The following MAP4K3 variants were observed in gnomAD, a reference collection of about 807,000 sequenced individuals.
MAP4K3 encodes the protein MAPK/ERK kinase kinase kinase 3.
A neutral mutation model predicts 143.5 loss-of-function variants in MAP4K3; 94 were observed. The ratio of observed to expected loss-of-function variants is 0.65; its 90% CI spans 0.55 to 0.78. The LOEUF (loss-of-function observed/expected upper bound fraction) is 0.78. MAP4K3 is among the 30% of genes least tolerant of loss of function. MAP4K3 has a pLI of 0.00. For missense variants in MAP4K3, 1,077 were observed against 1,068.1 expected, an observed-to-expected ratio of 1.01 and a Z score of -0.12; for synonymous variants, 416 against 347.2, an observed-to-expected ratio of 1.20 and a Z score of -2.20.
In MAP4K3 at chr2:39,309,535, A is replaced by G; in HGVS notation, c.998-16T>C. Reference sequence around the variant, plus strand: ...ACTTGGCCAACTAAAAAAGAAAAAAAAGTAAAACCAGGATTTTTTTTTTTT... The same window carrying G: ...ACTTGGCCAACTAAAAAAGAAAAAAGAGTAAAACCAGGATTTTTTTTTTTT... On this transcript the variant is annotated splice_polypyrimidine_tract_variant and intron_variant, in intron 13 of 33. Coordinates refer to ENST00000263881, the MANE Select transcript of MAP4K3 (RefSeq NM_003618.4). 1.4e-6 allele frequency: 2 copies of G among 1,450,940 alleles called. No homozygotes were observed. Among genetic ancestry groups the G allele is most frequent in the Non-Finnish European group, 1.9e-6 (2 of 1,052,770 alleles). 89.9% of individuals were successfully genotyped at this position (1,450,940 alleles called of 1,614,324 possible).
intron 1 of MAP4K3, among the ~76,000 whole-genome samples, chr2:39,433,342 T>C (rs1326447139): frequency 6.6e-6 from 1 of 152,202 alleles, no homozygotes; most frequent in African/African-American, 2.4e-5. Flanking sequence ...TCAAAACTTC[T>C]TTTGCCTTAT....
At chr2:39,391,025 T>TG (rs1268636998) in intron 1 of MAP4K3, among the ~76,000 whole-genome samples, 1 of 151,720 alleles carries the variant, frequency 6.6e-6, no homozygotes, top group African/African-American at 2.4e-5. Flanking sequence ...AAATATATTC[T>TG]GGAAAAAAAA....
intron 20 of MAP4K3, 76 bp from the exon 21 acceptor site, chr2:39,287,040 GA>G: frequency 1.2e-6 from 1 of 805,912 alleles, no homozygotes; most frequent in Non-Finnish European, 2.0e-6. Flanking sequence ...AAGTAGGAAA[GA>G]AAAAATATTA....
chr2:39,256,073 T>G (rs1475246699), intron 31 of MAP4K3, among the ~76,000 whole-genome samples: 5 of 152,246 alleles, frequency 3.3e-5, no homozygotes, highest in Non-Finnish European at 7.3e-5. Context: ...TTATGTATGT[T>G]ACTTTATTGC....
chr2:39,282,790 T>C (rs1681594135), intron 21 of MAP4K3, among the ~76,000 whole-genome samples: 2 of 152,240 alleles, frequency 1.3e-5, no homozygotes, highest in African/African-American at 4.8e-5. Context: ...GTGAATTAGA[T>C]ATACTTATGT....
chr2:39,434,018 G>A (rs550467471), intron 1 of MAP4K3, among the ~76,000 whole-genome samples: 1 of 152,258 alleles, frequency 6.6e-6, no homozygotes, highest in East Asian at 1.9e-4. Context: ...TCCTTGTTCA[G>A]TGCTTTGGAA....
chr2:39,348,662 T>C (rs983745056), intron 3 of MAP4K3, among the ~76,000 whole-genome samples: 2 of 152,162 alleles, frequency 1.3e-5, no homozygotes, highest in Non-Finnish European at 2.9e-5. Context: ...GAAGTAAATA[T>C]TCAATGTATC....
intron 12 of MAP4K3, among the ~76,000 whole-genome samples, chr2:39,318,144 A>G (rs574539320): frequency 6.6e-6 from 1 of 152,260 alleles, no homozygotes; most frequent in African/African-American, 2.4e-5. Context: ...CTAACTCAGG[A>G]GCAGAAAACC....
chr2:39,270,374 T>A (rs1680963198), intron 26 of MAP4K3, among the ~76,000 whole-genome samples: 1 of 152,204 alleles, frequency 6.6e-6, no homozygotes, highest in South Asian at 2.1e-4. Flanking sequence ...AGCACCCAAT[T>A]AACTGGAATT....
Position 39,260,675 on chromosome 2 carries a change from C to G in MAP4K3, c.2239G>C (p.Asp747His). The change falls in exon 29 of 34, where the codon GAC (aspartate) becomes CAC (histidine). Residue 747 changes from aspartate (D) to histidine (H), a missense_variant. Around this residue, in one of 2 missense-constraint regions of MAP4K3, gnomAD observed 864 missense variants for 801.2 expected, o/e 1.08. Transcript: ENST00000263881. ...LVCVGVSRGR[D>H]FNQVVRFETV... is the part of the protein sequence containing the mutation. The stretch of plus-strand genomic sequence containing the variant: ...TCAAATCGAACCACTTGGTTGAAGT[C>G]TCTACCTCTACTGACACCAACACAA... 1 of 1,614,044 alleles carries G rather than the reference C, an allele frequency of 6.2e-7. No homozygotes were observed. Among genetic ancestry groups the G allele is most frequent in the Non-Finnish European group, 8.5e-7 (1 of 1,179,924 alleles).
At chr2:39,269,833 T>A (rs548366313) in intron 26 of MAP4K3, among the ~76,000 whole-genome samples, 2 of 152,074 alleles carry the variant, frequency 1.3e-5, no homozygotes, top group Non-Finnish European at 2.9e-5. Context: ...AAACACCTCA[T>A]TGTACCCTTG....
chr2:39,281,932 A>C (rs1383782249), intron 22 of MAP4K3, among the ~76,000 whole-genome samples: 3 of 152,018 alleles, frequency 2.0e-5, no homozygotes. Flanking sequence ...GGTGGCTCAC[A>C]CTTGTGATCC....
intron 20 of MAP4K3, among the ~76,000 whole-genome samples, chr2:39,287,911 GAGGACA>G (rs1399880934): frequency 6.6e-6 from 1 of 152,146 alleles, no homozygotes; most frequent in African/African-American, 2.4e-5. Flanking sequence ...AATGAGAAAT[GAGGACA>G]AAATATCTCA....
intron 24 of MAP4K3, among the ~76,000 whole-genome samples, chr2:39,275,406 C>G (rs1482496332): frequency 6.6e-6 from 1 of 152,128 alleles, no homozygotes; most frequent in Non-Finnish European, 1.5e-5. Flanking sequence ...CACTTGAGCC[C>G]AGGAGGTCAA....
intron 27 of MAP4K3, 34 bp downstream of exon 27, chr2:39,267,155 C>T: frequency 6.2e-7 from 1 of 1,604,946 alleles, no homozygotes; most frequent in Non-Finnish European, 8.5e-7. Context: ...GGAGGAGTCT[C>T]AGAGAGCTAT....
chr2:39,324,477 C>A (rs11124677), intron 12 of MAP4K3, among the ~76,000 whole-genome samples: 2 of 152,074 alleles, frequency 1.3e-5, no homozygotes, highest in Admixed American at 6.6e-5. Flanking sequence ...ACTTTACATT[C>A]CTTACATTTT....
chr2:39,383,479 T>A (rs1196165701), intron 1 of MAP4K3, among the ~76,000 whole-genome samples: 1 of 151,946 alleles, frequency 6.6e-6, no homozygotes, highest in East Asian at 1.9e-4. Context: ...AAGATGAAAT[T>A]TGGGTGGGGA....
chr2:39,349,360 G>C (rs1665384142), intron 3 of MAP4K3, among the ~76,000 whole-genome samples: 1 of 152,114 alleles, frequency 6.6e-6, no homozygotes, highest in Non-Finnish European at 1.5e-5. Flanking sequence ...TTAATAAGGA[G>C]GGGTAAGGAT....
intron 1 of MAP4K3, among the ~76,000 whole-genome samples, chr2:39,400,478 A>G (rs982030338): frequency 5.3e-5 from 8 of 151,920 alleles, no homozygotes; most frequent in Admixed American, 2.6e-4. Flanking sequence ...TCTTTTTTAC[A>G]TATCTTGTCA....
Sources: allele counts gnomAD v4.1 joint callset (sites outside exome capture counted in the v4.1 genomes callset), GRCh38; gene constraint gnomAD v4.1.1; regional missense constraint gnomAD v4.1.1; transcripts MANE v1.5; gene names NCBI Gene and HGNC (gene_info 2026-07-23, HGNC 2026-07-21).